The following MAPRE3 variants were observed in gnomAD, a reference collection of about 807,000 sequenced individuals.
The protein encoded by MAPRE3 is microtubule associated protein RP/EB family member 3.
In MAPRE3, 2 loss-of-function variants were observed where a neutral mutation model predicts 30.5. The ratio of observed to expected loss-of-function variants is 0.07; its 90% CI spans 0.03 to 0.21. The LOEUF is 0.21. Ranked by LOEUF, MAPRE3 falls within the 10% of genes least tolerant of loss-of-function variation. The probability of loss-of-function intolerance (pLI) is 1.00; values close to 1 mark genes in which losing one functional copy is unlikely to be tolerated. For missense variants in MAPRE3, 204 were observed against 351.8 expected, an observed-to-expected ratio of 0.58 and a Z score of 3.36; for synonymous variants, 110 against 127.7, an observed-to-expected ratio of 0.86 and a Z score of 0.93.
chr2:26,995,780 G>GGTGTGTGTGTGT (rs1276648645), intron 1 of MAPRE3, among the ~76,000 whole-genome samples: 11,660 of 109,520 alleles, frequency 0.11, 1,330 homozygotes, highest in Middle Eastern at 0.16. Flanking sequence ...TTCTAAGAGA[G>GGTGTGTGTGTGT]GTGTGTGTGT....
chr2:26,971,353 T>C (rs1056768658), intron 1 of MAPRE3, among the ~76,000 whole-genome samples: 1 of 152,196 alleles, frequency 6.6e-6, no homozygotes, highest in African/African-American at 2.4e-5. Flanking sequence ...GTCTGGACAG[T>C]TCTCACTGGC....
At chr2:27,014,217 T>G (rs1666930110) in intron 1 of MAPRE3, 2 of 152,170 alleles carry the variant, frequency 1.3e-5, no homozygotes, top group Non-Finnish European at 2.9e-5. Flanking sequence ...ATGAGAAATT[T>G]TGTTTACTAT....
intron 1 of MAPRE3, among the ~76,000 whole-genome samples, chr2:26,971,689 C>T (rs1665919149): frequency 6.6e-6 from 1 of 151,860 alleles, no homozygotes; most frequent in Non-Finnish European, 1.5e-5. Flanking sequence ...CTGATACCAT[C>T]CATAGGAAGT....
intron 5 of MAPRE3, 22 bp downstream of exon 5, chr2:27,025,759 A>G (rs1667226664): frequency 1.9e-6 from 3 of 1,614,150 alleles, no homozygotes; most frequent in Non-Finnish European, 2.5e-6. Context: ...GGGTAAGGGT[A>G]GCTGAGATAG....
intron 1 of MAPRE3, 135 bp from the exon 2 acceptor site, chr2:27,022,077 C>A: frequency 1.0e-6 from 1 of 961,198 alleles, no homozygotes; most frequent in South Asian, 1.6e-5. Flanking sequence ...AAGACCCTCC[C>A]TCTGGGGATA....
chr2:27,014,512 G>A (rs1217687299), intron 1 of MAPRE3: 1 of 152,342 alleles, frequency 6.6e-6, no homozygotes, highest in Non-Finnish European at 1.5e-5. Flanking sequence ...TGAACCCACA[G>A]CCGTCCAGAT....
chr2:26,978,636 C>G (rs938428583), intron 1 of MAPRE3, among the ~76,000 whole-genome samples: 9 of 152,208 alleles, frequency 5.9e-5, no homozygotes, highest in African/African-American at 2.2e-4. Flanking sequence ...GGTACAGTGT[C>G]TTGAGACAAC....
rs374505651 is a variant in MAPRE3 at position 26,975,572 on chromosome 2, C to T, written c.-8+4770C>T. 3.8e-4 allele frequency among the ~76,000 whole-genome samples: 58 copies of T among 151,006 alleles called. No individual in the cohort carries two copies. The South Asian group carries it at 9.1e-3, about 24-fold the overall frequency. On this transcript the variant is annotated intron_variant, in intron 1 of 6. Transcript: ENST00000233121. ...TAGACATCTAAAGATTGAAAAGAAA[C>T]GCAATAATGTTTACCTCTGGGAGGT...
chr2:27,016,288 C>G (rs1666981362), intron 1 of MAPRE3, among the ~76,000 whole-genome samples: 1 of 152,098 alleles, frequency 6.6e-6, no homozygotes, highest in Admixed American at 6.5e-5. Flanking sequence ...CAGAGCCTGC[C>G]CCCTCCGAGT....
intron 1 of MAPRE3, chr2:27,014,966 GT>G (rs1406037376): frequency 6.6e-6 from 1 of 152,352 alleles, no homozygotes. Context: ...CACAGCATCT[GT>G]TCCAGTTGTC....
At chr2:26,983,018 G>A (rs1370961027) in intron 1 of MAPRE3, among the ~76,000 whole-genome samples, 1 of 152,082 alleles carries the variant, frequency 6.6e-6, no homozygotes, top group East Asian at 1.9e-4. Flanking sequence ...AATTAGGAAG[G>A]CCCAACCCAG....
chr2:27,024,252 G>A lies in MAPRE3; in HGVS notation c.424G>A (p.Gly142Ser). The change falls in exon 4 of 7, where the codon GGT (glycine) becomes AGT (serine). Residue 142 changes from glycine to serine, a missense_variant. Gly to Ser is a moderately conservative substitution (Grantham distance 56). This residue lies in a region of MAPRE3 where 101 missense variants were observed against 205.4 expected (regional missense o/e 0.49). Transcript: ENST00000233121. ...GQDVAPPPNP[G>S]DQIFNKSKKL... ...GGACGTAGCGCCACCTCCTAACCCA[G>A]GTGATCAGATCTTCAACAAATCCAA... is the stretch of plus-strand genomic sequence containing the variant. The A allele has an allele frequency of 6.2e-7, 1 of 1,614,186 alleles. No homozygotes were observed. The highest frequency in any genetic ancestry group is 8.5e-7 in the Non-Finnish European group (1 of 1,180,000).
chr2:27,026,441 C>G lies in MAPRE3; in HGVS notation c.*93C>G, dbSNP rs991010021. ...ATAGTCCTTTCCTAACACGGTCGGC[C>G]GGGTGCTTTGTGTCAGTGCTGCAGC... On this transcript the variant is annotated 3_prime_UTR_variant, in exon 7 of 7. Transcript: ENST00000233121. 1 of 1,155,392 alleles carries G rather than the reference C, an allele frequency of 8.7e-7. No homozygotes were observed. Among genetic ancestry groups the G allele is most frequent in the African/African-American group, 1.5e-5 (1 of 64,982 alleles). 71.6% of individuals were successfully genotyped at this position (1,155,392 alleles called of 1,614,324 possible).
chr2:26,974,773 G>C (rs1359915964), intron 1 of MAPRE3, among the ~76,000 whole-genome samples: 1 of 152,188 alleles, frequency 6.6e-6, no homozygotes, highest in East Asian at 1.9e-4. Flanking sequence ...ATAACTATCT[G>C]TTTTACAGGG....
chr2:27,009,572 C>CTG (rs1666803257), intron 1 of MAPRE3, among the ~76,000 whole-genome samples: 1 of 152,164 alleles, frequency 6.6e-6, no homozygotes, highest in African/African-American at 2.4e-5. Context: ...GACTAAAATA[C>CTG]TGTGTACCTG....
chr2:27,019,916 G>A (rs771808596), intron 1 of MAPRE3, among the ~76,000 whole-genome samples: 1 of 152,206 alleles, frequency 6.6e-6, no homozygotes, highest in Non-Finnish European at 1.5e-5. Context: ...ATGCCTTGCT[G>A]AGCCTCCCTG....
chr2:26,972,993 T>G (rs1665944213), intron 1 of MAPRE3, among the ~76,000 whole-genome samples: 1 of 152,242 alleles, frequency 6.6e-6, no homozygotes, highest in Non-Finnish European at 1.5e-5. Flanking sequence ...GGACATGATT[T>G]GAACCAAGTT....
intron 1 of MAPRE3, among the ~76,000 whole-genome samples, chr2:26,977,098 G>T (rs1319261424): frequency 6.6e-6 from 1 of 152,168 alleles, no homozygotes; most frequent in African/African-American, 2.4e-5. Flanking sequence ...ATGAAAAATA[G>T]TATGCCAAGG....
At chr2:27,022,451 A>G (rs1037131831) in intron 2 of MAPRE3, 112 bp downstream of exon 2, 2 of 1,354,018 alleles carry the variant, frequency 1.5e-6, no homozygotes, top group African/African-American at 2.9e-5. Flanking sequence ...TGAATGACTG[A>G]TGTGGCCAGA....
Sources: allele counts gnomAD v4.1 joint callset (sites outside exome capture counted in the v4.1 genomes callset), GRCh38; gene constraint gnomAD v4.1.1; regional missense constraint gnomAD v4.1.1; transcripts MANE v1.5; gene names NCBI Gene and HGNC (gene_info 2026-07-23, HGNC 2026-07-21).